The following CSTPP1 variants were observed in gnomAD, a reference collection of about 807,000 sequenced individuals.
CSTPP1 encodes centriolar satellite-associated tubulin polyglutamylase complex regulator 1.
chr11:46,971,243 T>G, the CSTPP1 span, among the ~76,000 whole-genome samples: 9 of 152,302 alleles, frequency 5.9e-5, no homozygotes, highest in South Asian at 1.9e-3. Flanking sequence ...TTAAACTATA[T>G]ATAAAGGAGA....
chr11:47,120,385 TCACTTGAGCAAGC>T, the CSTPP1 span, among the ~76,000 whole-genome samples: 1 of 152,124 alleles, frequency 6.6e-6, no homozygotes, highest in Non-Finnish European at 1.5e-5. The surrounding 1 kb of genome is among the most constrained non-coding windows in gnomAD (Gnocchi z 4.2). Flanking sequence ...TCAGACTACC[TCACTTGAGCAAGC>T]CACTTACTCT....
the CSTPP1 span, chr11:47,155,937 A>G: frequency 6.6e-6 from 1 of 152,280 alleles, no homozygotes; most frequent in African/African-American, 2.4e-5. Context: ...ACAAATAAAT[A>G]TAAATATACA....
chr11:47,099,619 G>A, the CSTPP1 span, among the ~76,000 whole-genome samples: 6 of 152,204 alleles, frequency 3.9e-5, no homozygotes, highest in East Asian at 3.8e-4. Flanking sequence ...GCTAGTGAAG[G>A]GGAAGTTGAA....
chr11:46,989,144 C>T, the CSTPP1 span, among the ~76,000 whole-genome samples: 10 of 151,722 alleles, frequency 6.6e-5, no homozygotes, highest in African/African-American at 1.9e-4. Context: ...GCAGGAGAAT[C>T]GCTTGAACCC....
chr11:47,123,876 C>T, the CSTPP1 span, among the ~76,000 whole-genome samples: 5 of 151,912 alleles, frequency 3.3e-5, no homozygotes, highest in African/African-American at 4.8e-5. Flanking sequence ...GGCTTGAACC[C>T]GGGAGGCGGA....
At chr11:47,039,787 C>T in the CSTPP1 span, among the ~76,000 whole-genome samples, 1 of 128,018 alleles carries the variant, frequency 7.8e-6, no homozygotes, top group Non-Finnish European at 1.9e-5. Context: ...TGCAGTGAGC[C>T]GAGATCGTGC....
At chr11:47,112,843 T>C in the CSTPP1 span, among the ~76,000 whole-genome samples, 3 of 152,162 alleles carry the variant, frequency 2.0e-5, no homozygotes, top group Non-Finnish European at 2.9e-5. Flanking sequence ...TTTGTTTATT[T>C]ATTTATTTTT....
chr11:47,097,023 G>A, the CSTPP1 span, among the ~76,000 whole-genome samples: 3 of 151,944 alleles, frequency 2.0e-5, no homozygotes, highest in Non-Finnish European at 4.4e-5. Flanking sequence ...CTCTCAGCCC[G>A]GCCAGCCACC....
the CSTPP1 span, among the ~76,000 whole-genome samples, chr11:47,087,854 T>C: frequency 6.6e-6 from 1 of 152,196 alleles, no homozygotes; most frequent in South Asian, 2.1e-4. Context: ...AGCAGCTTAC[T>C]GGGGTGGTTC....
the CSTPP1 span, among the ~76,000 whole-genome samples, chr11:47,118,411 G>A: frequency 6.6e-6 from 1 of 152,154 alleles, no homozygotes; most frequent in South Asian, 2.1e-4. Context: ...TCTTTAGCTC[G>A]GAGAAGTTTG....
At chr11:47,059,178 C>T in the CSTPP1 span, among the ~76,000 whole-genome samples, 1 of 152,182 alleles carries the variant, frequency 6.6e-6, no homozygotes, top group African/African-American at 2.4e-5. Flanking sequence ...GAACATCACA[C>T]ACCAGGTCCT....
chr11:47,027,924 T>C, the CSTPP1 span, among the ~76,000 whole-genome samples: 1 of 90,804 alleles, frequency 1.1e-5, no homozygotes, highest in African/African-American at 4.9e-5. Context: ...TTCTTTTTTT[T>C]TTCTTTTTTT....
At chr11:47,096,700 TA>T in the CSTPP1 span, among the ~76,000 whole-genome samples, 1 of 152,098 alleles carries the variant, frequency 6.6e-6, no homozygotes, top group Non-Finnish European at 1.5e-5. Context: ...TGTTACTGAC[TA>T]GTTGGTGATA....
At chr11:46,944,655 ACT>A in the CSTPP1 span, among the ~76,000 whole-genome samples, 1 of 151,700 alleles carries the variant, frequency 6.6e-6, no homozygotes, top group Non-Finnish European at 1.5e-5. Context: ...TGGCTTAAAG[ACT>A]CTCACTGCAC....
the CSTPP1 span, chr11:47,157,197 T>A: frequency 7.3e-5 from 116 of 1,595,640 alleles, no homozygotes; most frequent in East Asian, 2.0e-4. Context: ...CTGGAAAACC[T>A]GTGTGATCGG....
At chr11:47,006,159 T>C in the CSTPP1 span, among the ~76,000 whole-genome samples, 2 of 152,220 alleles carry the variant, frequency 1.3e-5, no homozygotes, top group African/African-American at 2.4e-5. Context: ...ATAATATAAC[T>C]GCCAAAATCA....
chr11:47,115,727 G>A, the CSTPP1 span, among the ~76,000 whole-genome samples: 8 of 149,306 alleles, frequency 5.4e-5, no homozygotes, highest in South Asian at 4.2e-4. Context: ...TCTTGCTAGC[G>A]GTCTATCAAT....
the CSTPP1 span, among the ~76,000 whole-genome samples, chr11:46,979,262 C>T: frequency 6.6e-6 from 1 of 152,100 alleles, no homozygotes; most frequent in Non-Finnish European, 1.5e-5. Flanking sequence ...GACTACAACT[C>T]GTGCTATAGC....
the CSTPP1 span, among the ~76,000 whole-genome samples, chr11:46,994,548 C>T: frequency 2.6e-5 from 4 of 152,126 alleles, no homozygotes; most frequent in African/African-American, 9.7e-5. Flanking sequence ...TGGTTTTTGT[C>T]TTTGGTTCTG....
Sources: gnomAD v4.1 joint callset for allele counts (sites outside exome capture counted in the v4.1 genomes callset) on GRCh38, gnomAD v4.1.1 for gene constraint, Gnocchi (gnomAD v3.1) non-coding constraint, MANE v1.5 for transcripts, NCBI Gene and HGNC (gene_info 2026-07-23, HGNC 2026-07-21) for gene names.